The following PRKAR1B variants were observed in gnomAD, a reference collection of about 807,000 sequenced individuals.
PRKAR1B encodes protein kinase cAMP-dependent type I regulatory subunit beta.
In PRKAR1B, 22 loss-of-function variants were observed where a neutral mutation model predicts 46.5. That is an observed-to-expected ratio of 0.47 (90% confidence interval 0.34 to 0.68). The LOEUF (loss-of-function observed/expected upper bound fraction) is 0.68, where lower values mean the gene tolerates loss of function less well. PRKAR1B is among the 30% of genes least tolerant of loss of function. The probability of loss-of-function intolerance (pLI) is 0.01; values close to 1 mark genes in which losing one functional copy is unlikely to be tolerated. For synonymous variants in PRKAR1B, 259 were observed against 217.7 expected, an observed-to-expected ratio of 1.19 and a Z score of -1.67; for missense variants, 445 against 535.6, an observed-to-expected ratio of 0.83 and a Z score of 1.67.
At chr7:617,299 C>CT (rs71016890) in intron 4 of PRKAR1B, among the ~76,000 whole-genome samples, 156 of 132,404 alleles carry the variant, frequency 1.2e-3, no homozygotes, top group Admixed American at 1.8e-3. Flanking sequence ...GACCAAGTGC[C>CT]TTTTTTTTTT....
chr7:561,011 TAC>T (rs1347364225), intron 9 of PRKAR1B, among the ~76,000 whole-genome samples: 2 of 151,966 alleles, frequency 1.3e-5, no homozygotes, highest in African/African-American at 2.4e-5. Flanking sequence ...ATCCTATACA[TAC>T]ACACACACGT....
intron 4 of PRKAR1B, among the ~76,000 whole-genome samples, chr7:637,310 G>C (rs1784167583): frequency 6.6e-6 from 1 of 152,040 alleles, no homozygotes; most frequent in South Asian, 2.1e-4. Context: ...CCAGCTACTT[G>C]GGAGGCTGAG....
chr7:644,747 G>A lies in PRKAR1B; in HGVS notation c.440+32482C>T, dbSNP rs1200135869. On this transcript the variant is annotated intron_variant, in intron 4 of 10. Transcript: ENST00000537384. The surrounding 1 kb of genome is among the most constrained non-coding windows in gnomAD (Gnocchi z 4.9). Reference sequence around the variant, plus strand: ...GCAAACCCCAGCTCTCCCTCCCAGAGGGCAGGCACCAGGGCCAGACCCTTC... The same window carrying A: ...GCAAACCCCAGCTCTCCCTCCCAGAAGGCAGGCACCAGGGCCAGACCCTTC... Among the ~76,000 whole-genome samples, 1 of 152,184 alleles carries A rather than the reference G, an allele frequency of 6.6e-6. No homozygotes were observed. The highest frequency in any genetic ancestry group is 1.5e-5 in the Non-Finnish European group (1 of 68,022).
intron 8 of PRKAR1B, among the ~76,000 whole-genome samples, chr7:582,594 G>A (rs933346857): frequency 6.6e-6 from 1 of 152,246 alleles, no homozygotes; most frequent in South Asian, 2.1e-4. Context: ...GGCGTGCGAC[G>A]GCCCCTAAGA....
Position 602,291 on chromosome 7 carries a change from G to A in PRKAR1B, c.549+3902C>T, listed in dbSNP as rs890950293. 8.4e-5 allele frequency among the ~76,000 whole-genome samples: 2 copies of A among 23,684 alleles called. No individual in the cohort carries two copies. Among genetic ancestry groups the A allele is most frequent in the Non-Finnish European group, 1.8e-4 (2 of 11,024 alleles). 15.5% of individuals were successfully genotyped at this position (23,684 alleles called of 152,430 possible). Reference sequence around the variant, plus strand: ...GGAGTTACAGACGGCGGCGGGGGGAGGGGGGGTCTGTCCTGCTGGAAGGAC... The same window carrying A: ...GGAGTTACAGACGGCGGCGGGGGGAAGGGGGGTCTGTCCTGCTGGAAGGAC... On this transcript the variant is annotated intron_variant, in intron 6 of 10. Transcript: ENST00000537384. This position sits in a 1 kb window ranked among gnomAD's most constrained non-coding sequence, Gnocchi z 6.4.
intron 1 of PRKAR1B, among the ~76,000 whole-genome samples, chr7:715,887 T>C (rs1314186848): frequency 2.0e-5 from 3 of 151,806 alleles, no homozygotes; most frequent in Non-Finnish European, 4.4e-5. Context: ...GGCTAATTTT[T>C]TGTATTTTTA....
intron 2 of PRKAR1B, among the ~76,000 whole-genome samples, chr7:709,231 A>G (rs183752870): frequency 6.6e-6 from 1 of 152,032 alleles, no homozygotes; most frequent in East Asian, 1.9e-4. Flanking sequence ...TTTAAAGAAT[A>G]TATAAAAAAT....
chr7:576,474 C>T (rs1176427620), intron 9 of PRKAR1B, among the ~76,000 whole-genome samples: 1 of 152,202 alleles, frequency 6.6e-6, no homozygotes, highest in Non-Finnish European at 1.5e-5. Flanking sequence ...GTCCGTGCAG[C>T]CTGCTGTACT....
chr7:716,109 GT>G (rs1229694117), intron 1 of PRKAR1B, among the ~76,000 whole-genome samples: 1 of 151,796 alleles, frequency 6.6e-6, no homozygotes, highest in African/African-American at 2.4e-5. Context: ...GTGCAGTGGT[GT>G]GATCATAGCT....
intron 6 of PRKAR1B, among the ~76,000 whole-genome samples, chr7:600,577 G>A (rs977383426): frequency 1.3e-5 from 2 of 152,364 alleles, no homozygotes; most frequent in South Asian, 2.1e-4. Context: ...AAGCTGAGGC[G>A]CCCTGCTCCG....
chr7:672,299 C>T (rs988092318), intron 4 of PRKAR1B, among the ~76,000 whole-genome samples: 27 of 151,910 alleles, frequency 1.8e-4, no homozygotes, highest in Non-Finnish European at 4.4e-5. Context: ...TACAGGCATG[C>T]GCAACTGTGC....
intron 4 of PRKAR1B, among the ~76,000 whole-genome samples, chr7:664,446 G>A (rs557507031): frequency 2.6e-5 from 4 of 152,128 alleles, no homozygotes; most frequent in Non-Finnish European, 4.4e-5. Flanking sequence ...ACCTTCTCTG[G>A]GCCTCGGGTC....
intron 9 of PRKAR1B, among the ~76,000 whole-genome samples, chr7:553,920 A>G (rs1278984557): frequency 6.6e-6 from 1 of 152,232 alleles, no homozygotes; most frequent in Admixed American, 6.5e-5. Flanking sequence ...AGGACGTGTA[A>G]ACAACAGACC....
intron 4 of PRKAR1B, among the ~76,000 whole-genome samples, chr7:670,591 T>C (rs35305762): frequency 0.15 from 9,993 of 64,922 alleles, 599 homozygotes; most frequent in Middle Eastern, 0.29. Flanking sequence ...AGCTCCCCCA[T>C]GCCACAGCAT....
At chr7:712,091 G>C (rs1367702262) in intron 1 of PRKAR1B, among the ~76,000 whole-genome samples, 1 of 151,694 alleles carries the variant, frequency 6.6e-6, no homozygotes. Context: ...GAACAAATGC[G>C]GCGGCCGCGC....
At chr7:573,482 G>A (rs540543332) in intron 9 of PRKAR1B, among the ~76,000 whole-genome samples, 35 of 152,154 alleles carry the variant, frequency 2.3e-4, no homozygotes, top group African/African-American at 7.9e-4. Flanking sequence ...GGGCTCCTGC[G>A]GAGGGGCAGC....
At position 674,603 on chromosome 7, in the gene PRKAR1B, C is replaced by G. The variant is rs144132747; in HGVS notation, c.440+2626G>C. Among the ~76,000 whole-genome samples the G allele has an allele frequency of 1.1e-4, 17 of 151,872 alleles. No individual in the cohort carries two copies. The East Asian group carries it at 3.3e-3, about 29-fold the overall frequency. ...TAGCTACTCCATCCATGCCTAGCTA[C>G]TCTAGCCACACCCAGCTACTCCAGC... On this transcript the variant is annotated intron_variant, in intron 4 of 10. Coordinates refer to ENST00000537384, the MANE Select transcript of PRKAR1B (RefSeq NM_001164760.2).
chr7:589,856 G>A (rs999667563), intron 7 of PRKAR1B, among the ~76,000 whole-genome samples: 10 of 152,248 alleles, frequency 6.6e-5, no homozygotes, highest in Non-Finnish European at 1.0e-4. Context: ...AGCATGCAAC[G>A]TGCCCAGGCT....
At chr7:685,295 C>CGTAT (rs1300520762) in intron 2 of PRKAR1B, among the ~76,000 whole-genome samples, 455 of 12,114 alleles carry the variant, frequency 0.038, 7 homozygotes, top group Admixed American at 0.049. Context: ...TATATGTATA[C>CGTAT]ATATATATAT....
Sources: allele counts gnomAD v4.1 joint callset (sites outside exome capture counted in the v4.1 genomes callset), GRCh38; gene constraint gnomAD v4.1.1; non-coding constraint Gnocchi (gnomAD v3.1); transcripts MANE v1.5; gene names NCBI Gene and HGNC (gene_info 2026-07-23, HGNC 2026-07-21).